Variants in MCCC1 observed in about 807,000 individuals in gnomAD.
The protein encoded by MCCC1 is methylcrotonyl-CoA carboxylase subunit 1.
Under a neutral mutation model 83.8 loss-of-function variants are expected in MCCC1, and 64 were observed. The ratio of observed to expected loss-of-function variants is 0.76; its 90% confidence interval spans 0.62 to 0.94. The LOEUF is 0.94. Among genes scored for constraint, MCCC1 ranks in the 40% least tolerant of loss-of-function variants. MCCC1 has a pLI of 0.00. For missense variants in MCCC1, 807 were observed against 904.7 expected (o/e 0.89, Z 1.39); for synonymous variants, 322 against 315.4 (o/e 1.02, Z -0.22).
intron 1 of MCCC1, among the ~76,000 whole-genome samples, chr3:183,111,131 C>T (rs919192264): frequency 6.6e-6 from 1 of 152,144 alleles, no homozygotes; most frequent in African/African-American, 2.4e-5. Context: ...TCCTTATTCT[C>T]CTGGAACAGG....
intron 4 of MCCC1, among the ~76,000 whole-genome samples, chr3:183,073,116 T>C (rs1040884992): frequency 6.6e-6 from 1 of 151,100 alleles, no homozygotes; most frequent in Non-Finnish European, 1.5e-5. Flanking sequence ...TTGTGAATAC[T>C]GCTGCTGTGA....
At chr3:183,046,544 C>A (rs1295244576) in intron 9 of MCCC1, among the ~76,000 whole-genome samples, 2 of 152,010 alleles carry the variant, frequency 1.3e-5, no homozygotes, top group Non-Finnish European at 2.9e-5. Flanking sequence ...ACCACAGGCG[C>A]ACACCACTAT....
chr3:183,094,331 G>C (rs1329813857), intron 2 of MCCC1, among the ~76,000 whole-genome samples: 2 of 152,100 alleles, frequency 1.3e-5, no homozygotes, highest in Admixed American at 1.3e-4. Flanking sequence ...ATACAGGCAT[G>C]AGCCACTGCG....
chr3:183,045,555 A>AG lies in MCCC1; in HGVS notation c.956-16_956-15insC. 1.2e-6 allele frequency: 2 copies of AG among 1,613,462 alleles called. No homozygotes were observed. Among genetic ancestry groups the AG allele is most frequent in the East Asian group, 4.5e-5 (2 of 44,842 alleles). On this transcript the variant is annotated splice_polypyrimidine_tract_variant and intron_variant, in intron 9 of 18. Transcript: ENST00000265594. ...CTCCACAGTCCCTAAAAGGTAAAAA[A>AG]CAATGGTCATATTCAATAGTGTATA... is the stretch of plus-strand genomic sequence containing the variant.
At chr3:183,082,094 G>GC (rs1391508358) in intron 4 of MCCC1, among the ~76,000 whole-genome samples, 9 of 152,250 alleles carry the variant, frequency 5.9e-5, no homozygotes, top group Admixed American at 2.6e-4. Flanking sequence ...CCTGCCTACG[G>GC]CCCCCCAAGT....
chr3:183,055,015 A>C (rs578209219), intron 8 of MCCC1, among the ~76,000 whole-genome samples: 2 of 152,314 alleles, frequency 1.3e-5, no homozygotes, highest in East Asian at 3.9e-4. Context: ...CACAATTACA[A>C]AATCAACTAA....
At chr3:183,102,561 C>G (rs4859277), upstream of MCCC1, among the ~76,000 whole-genome samples, 148,830 of 152,030 alleles carry the variant, frequency 0.98, 72,857 homozygotes, top group East Asian at 1. Flanking sequence ...AAAATCTGAC[C>G]TTCATTCTAG....
chr3:183,068,061 C>T (rs752784183), intron 7 of MCCC1, among the ~76,000 whole-genome samples: 32 of 152,108 alleles, frequency 2.1e-4, no homozygotes, highest in Admixed American at 9.2e-4. Context: ...GAAGAAGTTA[C>T]AGAAGATGGA....
chr3:183,028,130 T>G (rs1712762415), intron 14 of MCCC1, among the ~76,000 whole-genome samples: 1 of 152,228 alleles, frequency 6.6e-6, no homozygotes, highest in African/African-American at 2.4e-5. Context: ...AATTAAATGC[T>G]CATTTACCAT....
chr3:183,048,168 T>C lies in MCCC1; in HGVS notation c.956-2628A>G, dbSNP rs550376631. Reference sequence around the variant, plus strand: ...TAAAAAAGGAGAGGAAATTGGATCATAGAAGATGCTCAATTAAAACCATGA... The same window carrying C: ...TAAAAAAGGAGAGGAAATTGGATCACAGAAGATGCTCAATTAAAACCATGA... On this transcript the variant is annotated intron_variant, in intron 9 of 18. Coordinates refer to ENST00000265594, the MANE Select transcript of MCCC1 (RefSeq NM_020166.5). Among the ~76,000 whole-genome samples the C allele has an allele frequency of 1.2e-4, 18 of 152,198 alleles. No individual in the cohort carries two copies. The South Asian group carries it at 3.7e-3, about 32-fold the overall frequency.
intron 4 of MCCC1, among the ~76,000 whole-genome samples, chr3:183,073,503 C>T (rs1168126386): frequency 6.6e-6 from 1 of 152,132 alleles, no homozygotes; most frequent in Non-Finnish European, 1.5e-5. Flanking sequence ...ATCCAAGATC[C>T]CTAGTGGATG....
chr3:183,086,806 C>T lies in MCCC1; in HGVS notation c.274-18G>A, dbSNP rs1350796996. The stretch of plus-strand genomic sequence containing the variant: ...TCATCTGCCTGTTTAAGAAACATCA[C>T]ATGCTTAAAAGACTTTGTGGCTAGT... On this transcript the variant is annotated intron_variant, in intron 3 of 18. Coordinates refer to ENST00000265594, the MANE Select transcript of MCCC1 (RefSeq NM_020166.5). 6.2e-7 allele frequency: 1 copy of T among 1,608,666 alleles called. No individual in the cohort carries two copies. Among genetic ancestry groups the T allele is most frequent in the Non-Finnish European group, 8.5e-7 (1 of 1,175,976 alleles).
intron 12 of MCCC1, 137 bp from the exon 13 acceptor site, chr3:183,037,571 G>C: frequency 1.3e-6 from 1 of 762,526 alleles, no homozygotes; most frequent in Admixed American, 2.2e-5. Flanking sequence ...AAGGTACCAT[G>C]TGGCAACAGG....
Position 183,088,838 on chromosome 3 carries a change from T to C in MCCC1, c.274-2050A>G, listed in dbSNP as rs570664938. Among the ~76,000 whole-genome samples, 36 of 152,364 alleles carry C rather than the reference T, an allele frequency of 2.4e-4. No homozygotes were observed. In the South Asian group the frequency reaches 6.8e-3, roughly 29 times the overall value. On this transcript the variant is annotated intron_variant, in intron 3 of 18. Coordinates refer to ENST00000265594, the MANE Select transcript of MCCC1 (RefSeq NM_020166.5). Reference sequence around the variant, plus strand: ...GTACACATGTCTATACCTCATTTTGTATAACATTTGCAAACTATTCCATAG... The same window carrying C: ...GTACACATGTCTATACCTCATTTTGCATAACATTTGCAAACTATTCCATAG...
chr3:183,101,240 C>T (rs1020417063), upstream of MCCC1, among the ~76,000 whole-genome samples: 4 of 152,380 alleles, frequency 2.6e-5, no homozygotes, highest in South Asian at 4.1e-4. Flanking sequence ...CCCTGCTCCA[C>T]GGCGCCCAGT....
At chr3:183,033,275 C>A (rs1274290509) in intron 14 of MCCC1, among the ~76,000 whole-genome samples, 2 of 152,208 alleles carry the variant, frequency 1.3e-5, no homozygotes, top group African/African-American at 4.8e-5. Flanking sequence ...AATTAGTTTA[C>A]AATCAAAAAT....
chr3:183,103,266 C>T (rs1410963029), upstream of MCCC1, among the ~76,000 whole-genome samples: 1 of 151,998 alleles, frequency 6.6e-6, no homozygotes, highest in Non-Finnish European at 1.5e-5. Flanking sequence ...ACAAAGCTTC[C>T]ACAGTGTGGA....
At chr3:183,057,809 T>C (rs7616810) in intron 7 of MCCC1, among the ~76,000 whole-genome samples, 149,070 of 152,332 alleles carry the variant, frequency 0.98, 72,949 homozygotes, top group East Asian at 1. Flanking sequence ...AAGGTTGTGG[T>C]TGCAGTGAGC....
rs140258202 is a variant in MCCC1, at chr3:183,048,791, C to A, written c.956-3251G>T. ...TATAGACTATTTCATCCAACAACAG[C>A]AGAACACATTCTCAAGCTAGAAAGG... On this transcript the variant is annotated intron_variant, in intron 9 of 18. Coordinates refer to ENST00000265594, the MANE Select transcript of MCCC1 (RefSeq NM_020166.5). Among the ~76,000 whole-genome samples, 242 of 152,274 alleles carry A rather than the reference C, an allele frequency of 1.6e-3. 1 individual carries two copies. The highest frequency in any genetic ancestry group is 5.0e-3 in the African/African-American group (206 of 41,550).
Sources: allele counts gnomAD v4.1 joint callset (sites outside exome capture counted in the v4.1 genomes callset), GRCh38; gene constraint gnomAD v4.1.1; transcripts MANE v1.5; gene names NCBI Gene and HGNC (gene_info 2026-07-23, HGNC 2026-07-21).